The following LARP1B variants were observed in gnomAD, a reference collection of about 807,000 sequenced individuals.
LARP1B encodes the protein la-related protein 1B.
In LARP1B, 76 loss-of-function variants were observed where a neutral mutation model predicts 114.2. That is an observed-to-expected ratio of 0.67 (90% confidence interval 0.55 to 0.81). The LOEUF (loss-of-function observed/expected upper bound fraction) is 0.81, where lower values mean the gene tolerates loss of function less well. Among genes scored for constraint, LARP1B ranks in the 30% least tolerant of loss-of-function variants. LARP1B has a pLI of 0.00. For synonymous variants in LARP1B, 345 were observed against 348.0 expected (o/e 0.99, Z 0.10); for missense variants, 1,014 against 1,075.8 (o/e 0.94, Z 0.80).
Position 128,167,063 on chromosome 4 carries a change from T to TAC in LARP1B, c.1648+4760_1648+4761dup, listed in dbSNP as rs1194581443. Among the ~76,000 whole-genome samples, 440 of 146,976 alleles carry TAC rather than the reference T, an allele frequency of 3.0e-3. 4 individuals carry two copies. Among genetic ancestry groups the TAC allele is most frequent in the African/African-American group, 0.01 (413 of 40,190 alleles). ...GTATATATACACACACACACACATA[T>TAC]ACACACACACACACATCACCATTTC... On this transcript the variant is annotated intron_variant, in intron 12 of 19. Transcript: ENST00000326639.
chr4:128,120,001 G>T (rs1468958463), intron 10 of LARP1B, among the ~76,000 whole-genome samples: 1 of 152,076 alleles, frequency 6.6e-6, no homozygotes, highest in Non-Finnish European at 1.5e-5. Context: ...AATGTGAAAA[G>T]CAATGTATAT....
intron 14 of LARP1B, chr4:128,179,167 G>T (rs1462213593): frequency 3.4e-5 from 12 of 353,144 alleles, no homozygotes; most frequent in Non-Finnish European, 5.1e-5. Context: ...GTATAATGAA[G>T]AATCACACTA....
chr4:128,134,137 A>G (rs993616891), intron 11 of LARP1B, among the ~76,000 whole-genome samples: 6 of 151,546 alleles, frequency 4.0e-5, no homozygotes, highest in African/African-American at 9.7e-5. Context: ...AGTAGTTGGG[A>G]CTACAGGCTC....
At chr4:128,187,733 C>T (rs909022803) in intron 15 of LARP1B, among the ~76,000 whole-genome samples, 6 of 152,224 alleles carry the variant, frequency 3.9e-5, no homozygotes, top group South Asian at 2.1e-4. Flanking sequence ...ATCTATGTCC[C>T]CACCCAAATC....
At chr4:128,191,111 A>AT (rs369784737) in intron 15 of LARP1B, among the ~76,000 whole-genome samples, 6,532 of 149,250 alleles carry the variant, frequency 0.044, 184 homozygotes, top group East Asian at 0.11. Flanking sequence ...GAGTTCCAGG[A>AT]TTTTTTTTTT....
At chr4:128,207,523 A>T (rs970757453) in intron 19 of LARP1B, 140 bp downstream of exon 19, 13 of 515,172 alleles carry the variant, frequency 2.5e-5, no homozygotes, top group Non-Finnish European at 3.7e-5. Context: ...ATAGATATAA[A>T]AATAGTTCAG....
chr4:128,074,182 C>T (rs1766891623), intron 1 of LARP1B, among the ~76,000 whole-genome samples: 1 of 152,052 alleles, frequency 6.6e-6, no homozygotes, highest in Non-Finnish European at 1.5e-5. Flanking sequence ...TCAGGTGATC[C>T]ACCCACCTCG....
At chr4:128,066,394 G>C (rs900594120) in intron 1 of LARP1B, among the ~76,000 whole-genome samples, 6 of 151,468 alleles carry the variant, frequency 4.0e-5, no homozygotes, top group African/African-American at 1.5e-4. Flanking sequence ...TAGCCAGGAT[G>C]GTCTCGATCT....
chr4:128,137,564 T>C (rs550804580), intron 11 of LARP1B, among the ~76,000 whole-genome samples: 1 of 152,098 alleles, frequency 6.6e-6, no homozygotes, highest in African/African-American at 2.4e-5. Context: ...TTCCTTCCAT[T>C]TGGTATTTAT....
At chr4:128,107,848 T>C (rs777488004) in intron 9 of LARP1B, 2 of 1,477,662 alleles carry the variant, frequency 1.4e-6, no homozygotes, top group South Asian at 2.5e-5. Context: ...AGACATTCCC[T>C]CTTGGGAAAA....
chr4:128,107,105 C>A, intron 8 of LARP1B, 34 bp from the exon 9 acceptor site: 1 of 1,561,102 alleles, frequency 6.4e-7, no homozygotes, highest in Non-Finnish European at 8.8e-7. Flanking sequence ...AGTGAAATAG[C>A]TCATAATTTT....
chr4:128,139,939 T>C (rs1328879008), intron 11 of LARP1B, among the ~76,000 whole-genome samples: 1 of 152,198 alleles, frequency 6.6e-6, no homozygotes, highest in African/African-American at 2.4e-5. Context: ...CTCAGGAATA[T>C]ATTCTCGAGT....
chr4:128,110,676 C>CAAAAAA lies in LARP1B; in HGVS notation c.988+3375_988+3380dup, dbSNP rs544129662. Among the ~76,000 whole-genome samples, 111 of 32,432 alleles carry CAAAAAA rather than the reference C, an allele frequency of 3.4e-3. 20 individuals are homozygous for CAAAAAA. The highest frequency in any genetic ancestry group is 4.6e-3 in the Admixed American group (8 of 1,746). 21.3% of individuals were successfully genotyped at this position (32,432 alleles called of 152,430 possible). A position where few individuals can be genotyped will look rare whatever the true frequency, so the allele number is the denominator to read the frequency against. On this transcript the variant is annotated intron_variant, in intron 9 of 19. Coordinates refer to ENST00000326639, the MANE Select transcript of LARP1B (RefSeq NM_018078.4). ...TGGGCGACAGAGCGAGACTCCGTCT[C>CAAAAAA]AAAAAAAAAAAAAAAAAGATGCAGC...
chr4:128,217,063 G>T (rs1342024438), intron 6 of LARP1B, among the ~76,000 whole-genome samples: 1 of 149,908 alleles, frequency 6.7e-6, no homozygotes, highest in African/African-American at 2.5e-5. Flanking sequence ...TACATTCCTC[G>T]ACACATACAC....
chr4:128,221,664 G>A (rs1355589029), intron 7 of LARP1B, among the ~76,000 whole-genome samples: 1 of 152,116 alleles, frequency 6.6e-6, no homozygotes, highest in African/African-American at 2.4e-5. Flanking sequence ...TCACAGTACT[G>A]TAATGCTTAA....
At chr4:128,198,281 A>G (rs113756300) in intron 15 of LARP1B, among the ~76,000 whole-genome samples, 4 of 152,316 alleles carry the variant, frequency 2.6e-5, no homozygotes, top group African/African-American at 9.6e-5. Flanking sequence ...TACCATCTTA[A>G]CAGTTCTTAA....
At chr4:128,159,017 TA>T (rs111692263) in intron 11 of LARP1B, among the ~76,000 whole-genome samples, 24 of 146,744 alleles carry the variant, frequency 1.6e-4, no homozygotes, top group Non-Finnish European at 2.4e-4. Context: ...AAAAAAAAAT[TA>T]AAAAAAAAAA....
chr4:128,116,315 TGTA>T (rs1446161381), intron 10 of LARP1B, among the ~76,000 whole-genome samples: 4 of 152,346 alleles, frequency 2.6e-5, no homozygotes, highest in East Asian at 1.9e-4. Context: ...TTTGGGATGT[TGTA>T]GTATATTTTT....
At chr4:128,107,679 G>C in intron 9 of LARP1B, 1 of 1,434,586 alleles carries the variant, frequency 7.0e-7, no homozygotes, top group Non-Finnish European at 9.1e-7. Flanking sequence ...CAAGAGTGGG[G>C]TAGTCTTCCT....
Sources: gnomAD v4.1 joint callset for allele counts (sites outside exome capture counted in the v4.1 genomes callset) on GRCh38, gnomAD v4.1.1 for gene constraint, MANE v1.5 for transcripts, NCBI Gene and HGNC (gene_info 2026-07-23, HGNC 2026-07-21) for gene names.